Variants in WARS2 observed in about 807,000 individuals in gnomAD.
WARS2 encodes the protein tryptophan--tRNA ligase, mitochondrial.
In WARS2, 28 loss-of-function variants were observed where a neutral mutation model predicts 36.5. The ratio of observed to expected loss-of-function variants is 0.77; its 90% CI spans 0.57 to 1.05. WARS2 has a LOEUF of 1.05. Among genes scored for constraint, WARS2 ranks in the 50% least tolerant of loss-of-function variants. The probability of loss-of-function intolerance (pLI) is 0.00; values close to 1 mark genes in which losing one functional copy is unlikely to be tolerated. For missense variants in WARS2, 435 were observed against 456.8 expected, an observed-to-expected ratio of 0.95 and a Z score of 0.44; for synonymous variants, 174 against 178.4, an observed-to-expected ratio of 0.98 and a Z score of 0.20.
At chr1:119,117,730 C>A (rs951502365) in intron 1 of WARS2, among the ~76,000 whole-genome samples, 15 of 152,218 alleles carry the variant, frequency 9.9e-5, no homozygotes, top group African/African-American at 3.6e-4. Context: ...CTGGTATCCA[C>A]AGCTGGGAGA....
chr1:119,040,303 G>C (rs1648242242), intron 4 of WARS2, among the ~76,000 whole-genome samples: 3 of 152,162 alleles, frequency 2.0e-5, no homozygotes, highest in Non-Finnish European at 4.4e-5. Context: ...TAAAGAAGAG[G>C]CTCCTTAAAG....
At chr1:119,065,319 G>C (rs1047588594) in intron 2 of WARS2, among the ~76,000 whole-genome samples, 1 of 152,054 alleles carries the variant, frequency 6.6e-6, no homozygotes, top group Middle Eastern at 3.2e-3. Flanking sequence ...CACTCAAGAA[G>C]TTAGTAAAAG....
intron 1 of WARS2, chr1:119,139,620 T>C (rs1392003462): frequency 6.6e-6 from 1 of 152,212 alleles, no homozygotes; most frequent in African/African-American, 2.4e-5. Flanking sequence ...AGCGCTGTTT[T>C]CAACACAACA....
At chr1:119,118,608 A>AG (rs1655134361) in intron 1 of WARS2, among the ~76,000 whole-genome samples, 4 of 149,334 alleles carry the variant, frequency 2.7e-5, no homozygotes. Context: ...ACAAAAACAT[A>AG]ATCACCTAGG....
chr1:119,098,818 C>G (rs1182000107), intron 1 of WARS2, among the ~76,000 whole-genome samples: 1 of 151,962 alleles, frequency 6.6e-6, no homozygotes, highest in Non-Finnish European at 1.5e-5. Flanking sequence ...CTCACTGCAA[C>G]CTCCACCTCC....
At chr1:119,122,906 G>A (rs1357516857) in intron 1 of WARS2, among the ~76,000 whole-genome samples, 1 of 151,816 alleles carries the variant, frequency 6.6e-6, no homozygotes, top group Non-Finnish European at 1.5e-5. Flanking sequence ...GGCGGGTGAT[G>A]GAGAAAAAAA....
intron 1 of WARS2, among the ~76,000 whole-genome samples, chr1:119,121,879 T>C (rs776777670): frequency 5.3e-5 from 8 of 152,124 alleles, no homozygotes; most frequent in Non-Finnish European, 7.4e-5. Context: ...TCTCACCTTA[T>C]ACAAAAATCA....
At chr1:119,067,969 G>T (rs1557957154) in intron 2 of WARS2, among the ~76,000 whole-genome samples, 1 of 152,144 alleles carries the variant, frequency 6.6e-6, no homozygotes, top group Non-Finnish European at 1.5e-5. Flanking sequence ...CAAGGAAGTG[G>T]TATTATTGGA....
intron 2 of WARS2, among the ~76,000 whole-genome samples, chr1:119,057,438 C>G (rs1649919425): frequency 1.3e-5 from 2 of 152,076 alleles, no homozygotes; most frequent in South Asian, 4.2e-4. Context: ...GTCACTGCGC[C>G]TGGCCCCATT....
intron 1 of WARS2, among the ~76,000 whole-genome samples, chr1:119,086,235 C>T (rs1274651757): frequency 1.3e-5 from 2 of 152,112 alleles, no homozygotes; most frequent in African/African-American, 4.8e-5. Context: ...TCTCTTGTGG[C>T]CAACTAAAGG....
intron 1 of WARS2, among the ~76,000 whole-genome samples, chr1:119,129,953 T>A (rs1215714495): frequency 6.6e-6 from 1 of 152,160 alleles, no homozygotes; most frequent in Non-Finnish European, 1.5e-5. Context: ...CACATTTCTC[T>A]GCATTTATCA....
rs1050341652 is a variant in WARS2, at chr1:119,061,837, A to G, written c.348+14513T>C. 4.6e-5 allele frequency among the ~76,000 whole-genome samples: 7 copies of G among 152,278 alleles called. No individual in the cohort carries two copies. The South Asian group carries it at 1.5e-3, about 32-fold the overall frequency. On this transcript the variant is annotated intron_variant, in intron 2 of 5. Coordinates refer to ENST00000235521, the MANE Select transcript of WARS2 (RefSeq NM_015836.4). Reference sequence around the variant, plus strand: ...CTCTGGATCAACAACCTAGGTCTGTATTTACCAGATAAAACAGTATGTGTT... The same window carrying G: ...CTCTGGATCAACAACCTAGGTCTGTGTTTACCAGATAAAACAGTATGTGTT...
chr1:119,055,169 A>C (rs2765534), intron 2 of WARS2, among the ~76,000 whole-genome samples: 48,272 of 152,074 alleles, frequency 0.32, 8,856 homozygotes, highest in African/African-American at 0.51. Flanking sequence ...TGTTTTTAAA[A>C]GTCACATGGA....
intron 4 of WARS2, among the ~76,000 whole-genome samples, chr1:119,041,376 A>G (rs941340266): frequency 6.6e-6 from 1 of 152,196 alleles, no homozygotes; most frequent in Non-Finnish European, 1.5e-5. Flanking sequence ...GGATGAAATC[A>G]GAAGCCCTGG....
At chr1:119,084,979 C>T in intron 1 of WARS2, 1 of 496,856 alleles carries the variant, frequency 2.0e-6, no homozygotes, top group Non-Finnish European at 3.7e-6. Flanking sequence ...TCCAAATCTA[C>T]CGAGCAGCTG....
intron 1 of WARS2, among the ~76,000 whole-genome samples, chr1:119,097,444 T>G (rs587641648): frequency 6.6e-6 from 1 of 152,342 alleles, no homozygotes; most frequent in African/African-American, 2.4e-5. Flanking sequence ...CTTCTTTTAC[T>G]TCCATACTCT....
Position 119,033,141 on chromosome 1 carries a change from G to A in WARS2, c.853C>T (p.Leu285Phe), listed in dbSNP as rs762869916. 1.2e-6 allele frequency: 2 copies of A among 1,614,088 alleles called. No homozygotes were observed. The highest frequency in any genetic ancestry group is 2.2e-5 in the East Asian group (1 of 44,888). The change falls in exon 6 of 6, where the codon CTC becomes TTC. Residue 285 changes from leucine to phenylalanine, a missense_variant. Physicochemically the swap from Leu to Phe is conservative, Grantham distance 22 (BLOSUM62 0). Transcript: ENST00000235521. ...CGGCGCACCACTTCCTCCACGGAGA[G>A]CCCCGTCACCGCGGCATGCACCGCC... ...IVAVHAAVTGLSVEEVVRRSA... is the reference protein window; with the variant it reads ...IVAVHAAVTGFSVEEVVRRSA...
intron 1 of WARS2, chr1:119,085,362 G>T: frequency 7.3e-7 from 1 of 1,373,464 alleles, no homozygotes; most frequent in Non-Finnish European, 1.0e-6. Context: ...GTGCTTCTTA[G>T]GGCCAGGGTT....
At position 119,140,304 on chromosome 1, in the gene WARS2, A is replaced by C. The variant is rs1656859346; in HGVS notation, c.90+251T>G. On this transcript the variant is annotated intron_variant, in intron 1 of 5. Coordinates refer to ENST00000235521, the MANE Select transcript of WARS2 (RefSeq NM_015836.4). ...GCAACAGCGGCGGCGCTCCGCTCCC[A>C]GAACTGGAGGTGGCGGCAAGAGGTC... The C allele has an allele frequency of 8.2e-6, 3 of 366,442 alleles. No individual in the cohort carries two copies. In the South Asian group the frequency reaches 2.2e-4, roughly 27 times the overall value. The allele number at this position is 366,442 out of a possible 1,614,324, so 22.7% of individuals were successfully genotyped here. A position where few individuals can be genotyped will look rare whatever the true frequency, so the allele number is the denominator to read the frequency against.
Sources: allele counts gnomAD v4.1 joint callset (sites outside exome capture counted in the v4.1 genomes callset), GRCh38; gene constraint gnomAD v4.1.1; transcripts MANE v1.5; gene names NCBI Gene and HGNC (gene_info 2026-07-23, HGNC 2026-07-21).